CRISP2: variants seen among roughly 807,000 people sequenced by gnomAD.
CRISP2 encodes the protein cysteine-rich secretory protein 2.
Under a neutral mutation model 31.7 loss-of-function variants are expected in CRISP2, and 29 were observed. The observed-to-expected ratio is 0.92, with a 90% CI of 0.68 to 1.25. The LOEUF (loss-of-function observed/expected upper bound fraction) is 1.25, where lower values mean the gene tolerates loss of function less well. Among genes scored for constraint, CRISP2 ranks in the 50% most tolerant of loss-of-function variants. The pLI, the probability that CRISP2 is intolerant of heterozygous loss-of-function variation, is 0.00. For missense variants in CRISP2, 318 were observed against 286.5 expected (o/e 1.11, Z -0.79); for synonymous variants, 111 against 101.4 (o/e 1.09, Z -0.57).
chr6:49,713,752 A>T (rs1013719526), upstream of CRISP2, among the ~76,000 whole-genome samples: 40 of 152,294 alleles, frequency 2.6e-4, no homozygotes, highest in African/African-American at 8.7e-4. Flanking sequence ...TTGATGAGGA[A>T]AGAAAATGTC....
In CRISP2 at chr6:49,701,618, A is replaced by ATATACATTATATATG. The variant is rs1261055392; in HGVS notation, c.67-849_67-835dup. ...ATATACACACACACACGGTATATATATATACATTATATATGTATACATTAT... is the reference window on the plus strand; with the variant it reads ...ATATACACACACACACGGTATATATATATACATTATATATGTATACATTATATATGTATACATTAT... On this transcript the variant is annotated intron_variant, in intron 4 of 9. Transcript: ENST00000339139. 1.3e-3 allele frequency among the ~76,000 whole-genome samples: 64 copies of ATATACATTATATATG among 48,624 alleles called. 2 individuals are homozygous for ATATACATTATATATG. The highest frequency in any genetic ancestry group is 3.0e-3 in the African/African-American group (31 of 10,312). 31.9% of individuals were successfully genotyped at this position (48,624 alleles called of 152,430 possible).
chr6:49,683,153 C>T, the CRISP2 span, among the ~76,000 whole-genome samples: 1 of 91,276 alleles, frequency 1.1e-5, no homozygotes, highest in Non-Finnish European at 2.3e-5. Context: ...AGTGAAACTC[C>T]ATCTCAAAAT....
intron 4 of CRISP2, among the ~76,000 whole-genome samples, chr6:49,704,692 G>A (rs1011801878): frequency 2.2e-4 from 34 of 152,174 alleles, no homozygotes; most frequent in African/African-American, 7.7e-4. Context: ...GTCCTGTGAT[G>A]TGATCCATCT....
intron 4 of CRISP2, 113 bp from the exon 5 acceptor site, chr6:49,700,897 T>A: frequency 1.6e-6 from 1 of 628,396 alleles, no homozygotes; most frequent in Non-Finnish European, 2.8e-6. Flanking sequence ...AAAATAGTTA[T>A]CATGTACATA....
the CRISP2 span, among the ~76,000 whole-genome samples, chr6:49,683,694 A>AATATATATATAT: frequency 0.05 from 308 of 6,136 alleles, 30 homozygotes; most frequent in South Asian, 0.19. Flanking sequence ...AAAAAAAAAA[A>AATATATATATAT]ATATATATAT....
intron 4 of CRISP2, among the ~76,000 whole-genome samples, chr6:49,705,514 C>T (rs1339259023): frequency 2.0e-5 from 3 of 152,160 alleles, no homozygotes; most frequent in Non-Finnish European, 4.4e-5. Context: ...GTACTCATAT[C>T]CGTACTTCCC....
chr6:49,709,289 G>A (rs117866738), intron 3 of CRISP2, 84 bp from the exon 4 acceptor site: 29 of 1,146,934 alleles, frequency 2.5e-5, no homozygotes, highest in African/African-American at 7.8e-5. Context: ...TAATGATCTC[G>A]ATTATCTCAA....
chr6:49,682,607 CTT>C, the CRISP2 span, among the ~76,000 whole-genome samples: 1 of 65,124 alleles, frequency 1.5e-5, no homozygotes, highest in Admixed American at 1.7e-4. Context: ...TTCTTTCTTT[CTT>C]TCTTTCTTTC....
intron 4 of CRISP2, among the ~76,000 whole-genome samples, chr6:49,701,523 TATAC>T (rs1210080143): frequency 0.07 from 7,354 of 105,618 alleles, 593 homozygotes; most frequent in Non-Finnish European, 0.079. Flanking sequence ...TATATATATA[TATAC>T]ACACACACAC....
intron 8 of CRISP2, among the ~76,000 whole-genome samples, chr6:49,697,015 A>G (rs1330053730): frequency 6.6e-6 from 1 of 152,086 alleles, no homozygotes; most frequent in Non-Finnish European, 1.5e-5. Flanking sequence ...CCTAATAGGT[A>G]CTTTAAAGAA....
intron 6 of CRISP2, 57 bp from the exon 7 acceptor site, chr6:49,698,564 G>C: frequency 6.5e-7 from 1 of 1,534,602 alleles, no homozygotes; most frequent in East Asian, 2.3e-5. Flanking sequence ...AAAAGAAATT[G>C]ACTACACAAA....
intron 4 of CRISP2, among the ~76,000 whole-genome samples, chr6:49,704,746 G>A (rs1187301607): frequency 6.6e-6 from 1 of 152,186 alleles, no homozygotes; most frequent in African/African-American, 2.4e-5. Flanking sequence ...TCCAGTGGAG[G>A]TAGCAGGGGA....
chr6:49,679,542 G>T, the CRISP2 span, among the ~76,000 whole-genome samples: 2 of 152,094 alleles, frequency 1.3e-5, no homozygotes, highest in African/African-American at 2.4e-5. Context: ...GTCCTGGGTG[G>T]AATATTCTCC....
chr6:49,713,133 AAG>A lies in CRISP2; in HGVS notation c.-151+340_-151+341del, dbSNP rs1768334991. ...ACATTCAAAACATCAATTAGAAACT[AAG>A]AGTCTTAATTTGACTTCGTAAAAAG... is the stretch of plus-strand genomic sequence containing the variant. On this transcript the variant is annotated intron_variant, in intron 1 of 9. Coordinates refer to ENST00000339139, the MANE Select transcript of CRISP2 (RefSeq NM_003296.4). Among the ~76,000 whole-genome samples, 7 of 152,302 alleles carry A rather than the reference AAG, an allele frequency of 4.6e-5. No homozygotes were observed. The South Asian group carries it at 1.0e-3, about 23-fold the overall frequency.
chr6:49,713,078 C>G lies in CRISP2; in HGVS notation c.-151+397G>C, dbSNP rs147869819. Among the ~76,000 whole-genome samples the G allele has an allele frequency of 4.0e-3, 608 of 152,216 alleles. 4 individuals are homozygous for G. The highest frequency in any genetic ancestry group is 0.027 in the Middle Eastern group (8 of 294). On this transcript the variant is annotated intron_variant, in intron 1 of 9. Transcript: ENST00000339139. ...TCCAGCAGAGTCAATGACCCCAACT[C>G]TAATTGTTATTACAGTTTCTAATAA...
chr6:49,702,166 T>A, intron 4 of CRISP2, among the ~76,000 whole-genome samples: 1 of 119,766 alleles, frequency 8.3e-6, no homozygotes, highest in Non-Finnish European at 1.8e-5. Flanking sequence ...TATATATATA[T>A]ATATATATAT....
chr6:49,709,339 A>G (rs1045353740), intron 3 of CRISP2, 134 bp from the exon 4 acceptor site: 11 of 748,982 alleles, frequency 1.5e-5, no homozygotes, highest in Non-Finnish European at 2.4e-5. Context: ...ATGGAACAAA[A>G]GAAGAATTGC....
At position 49,698,469 on chromosome 6, in the gene CRISP2, G is replaced by T; in HGVS notation, c.310C>A (p.Pro104Thr). The T allele has an allele frequency of 6.2e-7, 1 of 1,612,886 alleles. No homozygotes were observed. Among genetic ancestry groups the T allele is most frequent in the Non-Finnish European group, 8.5e-7 (1 of 1,179,444 alleles). Reference sequence around the variant, plus strand: ...TGGATTGCAGAAGACCAGGAAGTAGGGTCACTTGACATATAGAGATTCTCA... The same window carrying T: ...TGGATTGCAGAAGACCAGGAAGTAGTGTCACTTGACATATAGAGATTCTCA... Reference protein sequence around the residue: ...CGENLYMSSDPTSWSSAIQSW... With the variant: ...CGENLYMSSDTTSWSSAIQSW... Residue 104 changes from proline (P) to threonine (T), a missense_variant, in exon 7 of 10, where the codon CCT becomes ACT. Coordinates refer to ENST00000339139, the MANE Select transcript of CRISP2 (RefSeq NM_003296.4).
At chr6:49,701,705 TATAC>T (rs1765861370) in intron 4 of CRISP2, among the ~76,000 whole-genome samples, 1 of 114,640 alleles carries the variant, frequency 8.7e-6, no homozygotes, top group African/African-American at 3.4e-5. Context: ...ATACATTATG[TATAC>T]ATATATAATG....
Sources: gnomAD v4.1 joint callset for allele counts (sites outside exome capture counted in the v4.1 genomes callset) on GRCh38, gnomAD v4.1.1 for gene constraint, MANE v1.5 for transcripts, NCBI Gene and HGNC (gene_info 2026-07-23, HGNC 2026-07-21) for gene names.